ZNF766: variants seen among roughly 807,000 people sequenced by gnomAD.
ZNF766 encodes the protein zinc finger protein 766.
ZNF766 carries 13 observed loss-of-function variants against 13.2 expected under a neutral mutation model. The observed-to-expected ratio is 0.98, with a 90% CI of 0.64 to 1.56. The LOEUF (loss-of-function observed/expected upper bound fraction) is 1.56. ZNF766 is among the 40% of genes most tolerant of loss of function. The pLI, the probability that ZNF766 is intolerant of heterozygous loss-of-function variation, is 0.00. For missense variants in ZNF766, 521 were observed against 552.2 expected, an observed-to-expected ratio of 0.94 and a Z score of 0.57; for synonymous variants, 178 against 187.6, an observed-to-expected ratio of 0.95 and a Z score of 0.42.
rs533823860 is a variant in ZNF766, at chr19:52,269,732, C to T, written c.18+101C>T. On this transcript the variant is annotated intron_variant, in intron 1 of 3. Coordinates refer to ENST00000439461, the MANE Select transcript of ZNF766 (RefSeq NM_001010851.3). Reference sequence around the variant, plus strand: ...GGTACAGACCTTGAAATCCCCGCACCGCTCTCTCCACCCCGAGTAAATTCA... The same window carrying T: ...GGTACAGACCTTGAAATCCCCGCACTGCTCTCTCCACCCCGAGTAAATTCA... 212 of 1,427,942 alleles carry T rather than the reference C, an allele frequency of 1.5e-4. No homozygotes were observed. The Admixed American group carries it at 3.3e-3, about 22-fold the overall frequency. 88.5% of individuals were successfully genotyped at this position (1,427,942 alleles called of 1,614,324 possible).
intron 3 of ZNF766, among the ~76,000 whole-genome samples, chr19:52,285,632 T>C (rs1327596851): frequency 6.6e-6 from 1 of 152,210 alleles, no homozygotes; most frequent in Non-Finnish European, 1.5e-5. Context: ...GAAGCCGCCA[T>C]GTGTTCAGAC....
In ZNF766 at chr19:52,291,101, A is replaced by T; in HGVS notation, c.1310A>T (p.Lys437Ile). ...ANHQRIHTGE[K>I]PYKCHVCGKV... ...CATCAGAGAATCCACACTGGAGAGAAACCTTACAAATGCCATGTGTGTGGT... is the reference window on the plus strand; with the variant it reads ...CATCAGAGAATCCACACTGGAGAGATACCTTACAAATGCCATGTGTGTGGT... The change falls in exon 4 of 4, where the codon AAA becomes ATA. Residue 437 changes from lysine (K) to isoleucine (I), a missense_variant. Lys to Ile is a moderately radical substitution (Grantham distance 102). Coordinates refer to ENST00000439461, the MANE Select transcript of ZNF766 (RefSeq NM_001010851.3). 6.2e-7 allele frequency: 1 copy of T among 1,614,196 alleles called. No individual in the cohort carries two copies. The highest frequency in any genetic ancestry group is 8.5e-7 in the Non-Finnish European group (1 of 1,179,992).
At chr19:52,284,337 T>C (rs1263606898) in intron 3 of ZNF766, among the ~76,000 whole-genome samples, 1 of 152,190 alleles carries the variant, frequency 6.6e-6, no homozygotes, top group Non-Finnish European at 1.5e-5. Flanking sequence ...GCCCATTTCC[T>C]GTACTGGGAA....
At chr19:52,279,951 A>C (rs1981411133) in intron 1 of ZNF766, among the ~76,000 whole-genome samples, 1 of 151,582 alleles carries the variant, frequency 6.6e-6, no homozygotes, top group African/African-American at 2.4e-5. Flanking sequence ...GCCCGCCACC[A>C]CGCCTAGCTA....
intron 3 of ZNF766, among the ~76,000 whole-genome samples, chr19:52,288,727 C>T (rs992184981): frequency 7.0e-6 from 1 of 143,174 alleles, no homozygotes; most frequent in Non-Finnish European, 1.5e-5. Context: ...TACATCATTA[C>T]AATATCCCTT....
intron 3 of ZNF766, among the ~76,000 whole-genome samples, chr19:52,287,055 G>A (rs993217357): frequency 2.0e-5 from 3 of 151,868 alleles, no homozygotes; most frequent in Admixed American, 6.6e-5. Context: ...AGCTGGTCTC[G>A]AACTCCTGAC....
chr19:52,291,181 AGAGTCCTTACAAACT>A lies in ZNF766; in HGVS notation c.1395_*2del. The A allele has an allele frequency of 6.4e-7, 1 of 1,572,824 alleles. No homozygotes were observed. Among genetic ancestry groups the A allele is most frequent in the Non-Finnish European group, 8.6e-7 (1 of 1,159,826 alleles). On this transcript the variant is annotated stop_lost and inframe_deletion, in exon 4 of 4. Coordinates refer to ENST00000439461, the MANE Select transcript of ZNF766 (RefSeq NM_001010851.3). Reference sequence around the variant, plus strand: ...ACAGCATCAGAGAAGTGTTCATGAGAGAGTCCTTACAAACTGAGTTTGGCAAACTCTATCATAAGT... The same window carrying A: ...ACAGCATCAGAGAAGTGTTCATGAGAGAGTTTGGCAAACTCTATCATAAGT...
At chr19:52,286,773 TTTA>T (rs1981850227) in intron 3 of ZNF766, among the ~76,000 whole-genome samples, 1 of 152,228 alleles carries the variant, frequency 6.6e-6, no homozygotes, top group African/African-American at 2.4e-5. Flanking sequence ...TGCTGCTGAA[TTTA>T]TTTAGCTACC....
At chr19:52,284,880 T>A (rs1981729963) in intron 3 of ZNF766, 2 of 152,130 alleles carry the variant, frequency 1.3e-5, no homozygotes, top group African/African-American at 4.8e-5. Context: ...GAAGATTCAC[T>A]GGGTGTGCCG....
chr19:52,285,664 A>G (rs1380361346), intron 3 of ZNF766, among the ~76,000 whole-genome samples: 1 of 152,194 alleles, frequency 6.6e-6, no homozygotes, highest in Non-Finnish European at 1.5e-5. Flanking sequence ...CTTGGAACCC[A>G]GTCCTCTTGG....
At chr19:52,281,246 C>T (rs902421594) in intron 1 of ZNF766, among the ~76,000 whole-genome samples, 6 of 151,392 alleles carry the variant, frequency 4.0e-5, no homozygotes, top group African/African-American at 7.3e-5. Flanking sequence ...GGGCCGGGTG[C>T]GGTGGCTCAT....
intron 1 of ZNF766, among the ~76,000 whole-genome samples, chr19:52,276,287 A>G (rs1981197120): frequency 6.6e-6 from 1 of 152,240 alleles, no homozygotes; most frequent in Admixed American, 6.5e-5. Flanking sequence ...ATTACTGGTA[A>G]TACCTAATTA....
At chr19:52,277,586 C>T in intron 1 of ZNF766, 1 of 1,534,112 alleles carries the variant, frequency 6.5e-7, no homozygotes, top group Non-Finnish European at 8.7e-7. Context: ...TTATTTCTTC[C>T]TGAAATGCCG....
intron 1 of ZNF766, among the ~76,000 whole-genome samples, chr19:52,275,879 C>G (rs1391422006): frequency 6.6e-6 from 1 of 152,076 alleles, no homozygotes; most frequent in Non-Finnish European, 1.5e-5. Flanking sequence ...CGGGGTTTCC[C>G]CATGTTAGCC....
At chr19:52,275,702 A>C in intron 1 of ZNF766, 1 of 145,438 alleles carries the variant, frequency 6.9e-6, no homozygotes. Flanking sequence ...TTGAGACAGA[A>C]TCTCACTCTG....
Position 52,283,338 on chromosome 19 carries a change from C to A in ZNF766, c.199C>A (p.Pro67Thr). 1 of 1,613,942 alleles carries A rather than the reference C, an allele frequency of 6.2e-7. No homozygotes were observed. Among genetic ancestry groups the A allele is most frequent in the Non-Finnish European group, 8.5e-7 (1 of 1,179,916 alleles). The change falls in exon 3 of 4, where the codon CCC becomes ACC. Residue 67 changes from proline to threonine, a missense_variant. Coordinates refer to ENST00000439461, the MANE Select transcript of ZNF766 (RefSeq NM_001010851.3). ...CTCCATGATGAAGCAAAGGACAGAG[C>A]CCTGGACTGTGGAGAATGAAATGAA... The part of the protein sequence containing the change: ...IISMMKQRTE[P>T]WTVENEMKVA...
At chr19:52,270,290 G>GA (rs1980919910) in intron 1 of ZNF766, among the ~76,000 whole-genome samples, 1 of 152,106 alleles carries the variant, frequency 6.6e-6, no homozygotes, top group Admixed American at 6.6e-5. Flanking sequence ...AGAGGAAACA[G>GA]AAAAATTTAG....
intron 1 of ZNF766, among the ~76,000 whole-genome samples, chr19:52,275,831 C>CT (rs1228992894): frequency 6.6e-6 from 1 of 152,124 alleles, no homozygotes; most frequent in Admixed American, 6.6e-5. Context: ...CAGGCACCCA[C>CT]TTTCATGCCT....
At position 52,287,152 on chromosome 19, in the gene ZNF766, T is replaced by C. The variant is rs543898312; in HGVS notation, c.275-2914T>C. Among the ~76,000 whole-genome samples, 11 of 151,918 alleles carry C rather than the reference T, an allele frequency of 7.2e-5. No homozygotes were observed. The East Asian group carries it at 2.1e-3, about 29-fold the overall frequency. Reference sequence around the variant, plus strand: ...GCCCGACCTGCTCTGCAGTTTTCTTTTTTTTTTTGAGACGGAGTCTCGCCC... The same window carrying C: ...GCCCGACCTGCTCTGCAGTTTTCTTCTTTTTTTTGAGACGGAGTCTCGCCC... On this transcript the variant is annotated intron_variant, in intron 3 of 3. Coordinates refer to ENST00000439461, the MANE Select transcript of ZNF766 (RefSeq NM_001010851.3).
Sources: allele counts gnomAD v4.1 joint callset (sites outside exome capture counted in the v4.1 genomes callset), GRCh38; gene constraint gnomAD v4.1.1; transcripts MANE v1.5; gene names NCBI Gene and HGNC (gene_info 2026-07-23, HGNC 2026-07-21).